Variants in PHACTR3 observed in about 807,000 individuals in gnomAD.
PHACTR3 encodes phosphatase and actin regulator 3, also known as protein phosphatase 1, regulatory subunit 123.
Under a neutral mutation model 66.8 loss-of-function variants are expected in PHACTR3, and 16 were observed. The observed-to-expected ratio is 0.24, with a 90% CI of 0.16 to 0.36. PHACTR3 has a LOEUF of 0.36. PHACTR3 is among the 10% of genes least tolerant of loss of function. PHACTR3 has a pLI of 1.00. For synonymous variants in PHACTR3, 323 were observed against 292.1 expected, an observed-to-expected ratio of 1.11 and a Z score of -1.08; for missense variants, 647 against 719.9, an observed-to-expected ratio of 0.90 and a Z score of 1.16.
chr20:59,669,585 C>T (rs377567628), intron 1 of PHACTR3, among the ~76,000 whole-genome samples: 7 of 152,308 alleles, frequency 4.6e-5, no homozygotes, highest in African/African-American at 1.7e-4. Flanking sequence ...AGAATATTTT[C>T]TTCTCCTCTA....
intron 1 of PHACTR3, among the ~76,000 whole-genome samples, chr20:59,581,330 C>T (rs1424123141): frequency 6.6e-6 from 1 of 152,242 alleles, no homozygotes; most frequent in Non-Finnish European, 1.5e-5. Context: ...GGCTACACAT[C>T]TTCGTTTCTC....
chr20:59,653,205 G>C (rs531442854), intron 1 of PHACTR3, among the ~76,000 whole-genome samples: 2 of 146,552 alleles, frequency 1.4e-5, no homozygotes, highest in Admixed American at 1.3e-4. Context: ...TTTTTTTTGA[G>C]ATGGAGTCTT....
chr20:59,735,325 G>T (rs1032264834), intron 1 of PHACTR3, among the ~76,000 whole-genome samples: 2 of 152,108 alleles, frequency 1.3e-5, no homozygotes, highest in Non-Finnish European at 2.9e-5. Flanking sequence ...GCCCTCAGCC[G>T]ATATGATGAA....
At chr20:59,687,251 T>C (rs1372584622) in intron 1 of PHACTR3, among the ~76,000 whole-genome samples, 3 of 151,530 alleles carry the variant, frequency 2.0e-5, no homozygotes, top group African/African-American at 7.3e-5. Flanking sequence ...GTGGTGGTGA[T>C]AGTGGTGATG....
chr20:59,607,513 G>A (rs1049796487), intron 1 of PHACTR3, among the ~76,000 whole-genome samples: 6 of 152,178 alleles, frequency 3.9e-5, no homozygotes, highest in South Asian at 2.1e-4. Flanking sequence ...CCAAGGTTGC[G>A]TTCACCCTTT....
At chr20:59,702,536 T>G (rs2037544077) in intron 1 of PHACTR3, among the ~76,000 whole-genome samples, 1 of 152,212 alleles carries the variant, frequency 6.6e-6, no homozygotes, top group African/African-American at 2.4e-5. Context: ...GGGATTTCCT[T>G]TACTGCACTT....
At chr20:59,789,045 T>A (rs2041012073) in intron 7 of PHACTR3, among the ~76,000 whole-genome samples, 1 of 152,176 alleles carries the variant, frequency 6.6e-6, no homozygotes, top group African/African-American at 2.4e-5. Context: ...CCCACTAAAA[T>A]CAAACGAGAG....
intron 1 of PHACTR3, among the ~76,000 whole-genome samples, chr20:59,651,873 GT>G (rs2035472376): frequency 7.1e-6 from 1 of 140,020 alleles, no homozygotes; most frequent in Admixed American, 7.0e-5. Context: ...AGGTAGGTAG[GT>G]AGGTAGATAG....
intron 1 of PHACTR3, among the ~76,000 whole-genome samples, chr20:59,726,534 A>G (rs1031527554): frequency 6.6e-6 from 1 of 152,202 alleles, no homozygotes; most frequent in Non-Finnish European, 1.5e-5. Context: ...CCCTGCTCTT[A>G]TAGGTTGGCT....
chr20:59,604,878 T>TC lies in PHACTR3; in HGVS notation c.-137_-136insC. The TC allele has an allele frequency of 5.6e-6, 1 of 177,956 alleles. No homozygotes were observed. Among genetic ancestry groups the TC allele is most frequent in the Non-Finnish European group, 7.5e-6 (1 of 132,842 alleles). 11.0% of individuals were successfully genotyped at this position (177,956 alleles called of 1,614,324 possible). A position where few individuals can be genotyped will look rare whatever the true frequency, so the allele number is the denominator to read the frequency against. On this transcript the variant is annotated 5_prime_UTR_variant, in exon 1 of 13. Transcript: ENST00000371015. ...CTCCAGCTCGTTTCCTTTCCCGGCCTTTTTTTTTTTTTTTTTTTTTTAATT... is the reference window on the plus strand; with the variant it reads ...CTCCAGCTCGTTTCCTTTCCCGGCCTCTTTTTTTTTTTTTTTTTTTTTAATT...
chr20:59,615,678 T>G (rs2034002604), intron 1 of PHACTR3, among the ~76,000 whole-genome samples: 2 of 152,210 alleles, frequency 1.3e-5, no homozygotes, highest in African/African-American at 2.4e-5. Context: ...GCATCTCTTA[T>G]CCTTCTTGGA....
chr20:59,745,409 G>C (rs1292671462), intron 2 of PHACTR3, among the ~76,000 whole-genome samples: 1 of 152,230 alleles, frequency 6.6e-6, no homozygotes, highest in East Asian at 1.9e-4. Flanking sequence ...TCACCAGCAA[G>C]ATGCTCTGGG....
At position 59,773,442 on chromosome 20, in the gene PHACTR3, C is replaced by T. The variant is rs926032996; in HGVS notation, c.915C>T (p.His305=). ...EELHRALATK[H]RQDSFQGRES... ...TGCACAGGGCGCTGGCCACGAAGCA[C>T]CGCCAGGACAGGTGAGGCCCTGCCC... Residue 305 remains histidine, a synonymous_variant, in exon 6 of 13, where the codon CAC becomes CAT. Coordinates refer to ENST00000371015, the MANE Select transcript of PHACTR3 (RefSeq NM_080672.5). 22 of 1,610,716 alleles carry T rather than the reference C, an allele frequency of 1.4e-5. No individual in the cohort carries two copies. Among genetic ancestry groups the T allele is most frequent in the Non-Finnish European group, 1.9e-5 (22 of 1,178,742 alleles).
intron 4 of PHACTR3, among the ~76,000 whole-genome samples, chr20:59,756,756 T>C (rs1271827191): frequency 6.6e-6 from 1 of 152,120 alleles, no homozygotes; most frequent in Non-Finnish European, 1.5e-5. Flanking sequence ...ATGTGCCACG[T>C]TGGTGTGCTG....
intron 7 of PHACTR3, among the ~76,000 whole-genome samples, chr20:59,804,213 G>A (rs926813900): frequency 6.6e-6 from 1 of 152,078 alleles, no homozygotes; most frequent in Non-Finnish European, 1.5e-5. Context: ...CATAGAGGCC[G>A]GATTAATAAG....
At chr20:59,828,112 T>C (rs1163610502) in intron 8 of PHACTR3, among the ~76,000 whole-genome samples, 1 of 152,212 alleles carries the variant, frequency 6.6e-6, no homozygotes, top group East Asian at 1.9e-4. Context: ...AGCCTGTTTA[T>C]GATGACCTGA....
intron 7 of PHACTR3, among the ~76,000 whole-genome samples, chr20:59,803,288 A>G (rs529121558): frequency 6.6e-6 from 1 of 152,316 alleles, no homozygotes; most frequent in Non-Finnish European, 1.5e-5. Flanking sequence ...TGCTGTAAAC[A>G]TGTGGTTAAT....
At chr20:59,610,271 C>A (rs2033808039) in intron 1 of PHACTR3, among the ~76,000 whole-genome samples, 1 of 152,142 alleles carries the variant, frequency 6.6e-6, no homozygotes, top group South Asian at 2.1e-4. Flanking sequence ...AACAAAATTC[C>A]TGTTCTCTGC....
chr20:59,756,533 G>A (rs574783840), intron 4 of PHACTR3, among the ~76,000 whole-genome samples: 19 of 152,288 alleles, frequency 1.2e-4, no homozygotes, highest in Admixed American at 5.9e-4. Flanking sequence ...GGGGGTGGCC[G>A]TGTCTCTCCA....
Sources: allele counts gnomAD v4.1 joint callset (sites outside exome capture counted in the v4.1 genomes callset), GRCh38; gene constraint gnomAD v4.1.1; transcripts MANE v1.5; gene names NCBI Gene and HGNC (gene_info 2026-07-23, HGNC 2026-07-21).